PSEN2: variants seen among roughly 807,000 people sequenced by gnomAD.
PSEN2 encodes presenilin-2.
In PSEN2, 32 loss-of-function variants were observed where a neutral mutation model predicts 49.1. The ratio of observed to expected loss-of-function variants is 0.65; its 90% confidence interval spans 0.49 to 0.88. The LOEUF (loss-of-function observed/expected upper bound fraction) is 0.88, where lower values mean the gene tolerates loss of function less well. Among genes scored for constraint, PSEN2 ranks in the 40% least tolerant of loss-of-function variants. The pLI, the probability that PSEN2 is intolerant of heterozygous loss-of-function variation, is 0.00. For synonymous variants in PSEN2, 255 were observed against 244.0 expected, an observed-to-expected ratio of 1.05 and a Z score of -0.42; for missense variants, 522 against 586.9, an observed-to-expected ratio of 0.89 and a Z score of 1.14.
intron 2 of PSEN2, 38 bp downstream of exon 2, chr1:226,871,442 C>G (rs1660283385): frequency 6.6e-6 from 1 of 152,282 alleles, no homozygotes; most frequent in Non-Finnish European, 1.5e-5. Flanking sequence ...CCCCAGTGTC[C>G]TGGCTTCTAG....
intron 2 of PSEN2, 83 bp downstream of exon 2, chr1:226,871,487 CTG>C (rs1387909377): frequency 6.6e-6 from 1 of 152,250 alleles, no homozygotes; most frequent in Non-Finnish European, 1.5e-5. Context: ...GACCTCACCC[CTG>C]TTTATTGCCT....
intron 12 of PSEN2, among the ~76,000 whole-genome samples, chr1:226,894,941 C>T (rs1386358391): frequency 6.6e-6 from 1 of 152,212 alleles, no homozygotes; most frequent in East Asian, 1.9e-4. Flanking sequence ...CTCACCTGGA[C>T]CACTGCCTGC....
At chr1:226,889,999 G>C (rs1268890073) in intron 8 of PSEN2, 36 bp from the exon 9 acceptor site, 1 of 1,550,234 alleles carries the variant, frequency 6.5e-7, no homozygotes, top group South Asian at 1.1e-5. Context: ...GGGGCTGCCC[G>C]GGGATAGTTT....
rs1156802814 is a variant in PSEN2 at position 226,895,857 on chromosome 1, A to G, written c.*278A>G. 3 of 512,568 alleles carry G rather than the reference A, an allele frequency of 5.9e-6. No homozygotes were observed. The highest frequency in any genetic ancestry group is 1.9e-5 in the African/African-American group (1 of 51,804). The allele number at this position is 512,568 out of a possible 1,614,324, so 31.8% of individuals were successfully genotyped here. A position where few individuals can be genotyped will look rare whatever the true frequency, so the allele number is the denominator to read the frequency against. ...AGAAGGTCAGATTAGGGCGGGGAGA[A>G]GAGCATCCGGCATGAGGGCTGAGAT... On this transcript the variant is annotated 3_prime_UTR_variant, in exon 13 of 13. Transcript: ENST00000366783.
intron 8 of PSEN2, 58 bp from the exon 9 acceptor site, chr1:226,889,977 G>C (rs920899894): frequency 1.5e-6 from 2 of 1,377,878 alleles, no homozygotes. Context: ...TACAGGGCAG[G>C]CTCTTCTTCA....
rs546589385 is a variant in PSEN2 at position 226,876,311 on chromosome 1, A to T, written c.-21+761A>T. 1.1e-4 allele frequency among the ~76,000 whole-genome samples: 17 copies of T among 152,314 alleles called. No individual in the cohort carries two copies. In the South Asian group the frequency reaches 3.5e-3, roughly 32 times the overall value. On this transcript the variant is annotated intron_variant, in intron 3 of 12. Transcript: ENST00000366783. ...AGAGGGTAGCAGAAGTCCATCCCAGATGCTCTGTTTTCCTTCAGGAGCTAG... is the reference window on the plus strand; with the variant it reads ...AGAGGGTAGCAGAAGTCCATCCCAGTTGCTCTGTTTTCCTTCAGGAGCTAG...
intron 12 of PSEN2, among the ~76,000 whole-genome samples, chr1:226,902,395 G>C (rs968498148): frequency 6.6e-6 from 1 of 152,054 alleles, no homozygotes; most frequent in Non-Finnish European, 1.5e-5. Flanking sequence ...AGGAAGTAAG[G>C]GCATGGCTTA....
At position 226,891,732 on chromosome 1, in the gene PSEN2, T is replaced by C. The variant is rs753933727; in HGVS notation, c.971-11T>C. On this transcript the variant is annotated splice_polypyrimidine_tract_variant and intron_variant, in intron 10 of 12. Transcript: ENST00000366783. ...GGTGATGACGGACATCTTCTCTTCC[T>C]GGACACCCAGAAGAAGACTCCTATG... The C allele has an allele frequency of 1.9e-6, 3 of 1,608,796 alleles. No individual in the cohort carries two copies. In the South Asian group the frequency reaches 3.3e-5, roughly 18 times the overall value.
At chr1:226,891,471 A>G in intron 10 of PSEN2, 110 bp downstream of exon 10, 1 of 1,003,410 alleles carries the variant, frequency 1.0e-6, no homozygotes, top group East Asian at 2.6e-5. Flanking sequence ...CAGGAGGGGC[A>G]GAGGGAAAGG....
intron 4 of PSEN2, among the ~76,000 whole-genome samples, chr1:226,883,433 A>G (rs1419866503): frequency 6.6e-6 from 1 of 152,214 alleles, no homozygotes; most frequent in Admixed American, 6.5e-5. Context: ...CTTTTGATTC[A>G]TTAACCATTA....
intron 3 of PSEN2, chr1:226,880,567 G>GGACA (rs552911783): frequency 9.7e-5 from 153 of 1,580,522 alleles, no homozygotes; most frequent in African/African-American, 9.4e-4. Context: ...CTCAGCCTCT[G>GGACA]GACAGCGATC....
intron 3 of PSEN2, among the ~76,000 whole-genome samples, chr1:226,881,229 G>A (rs1660966294): frequency 6.6e-6 from 1 of 152,122 alleles, no homozygotes; most frequent in African/African-American, 2.4e-5. Flanking sequence ...GATCTTGTCT[G>A]TCAAGATTGT....
intron 11 of PSEN2, among the ~76,000 whole-genome samples, chr1:226,893,248 A>G (rs963612988): frequency 6.6e-6 from 1 of 152,226 alleles, no homozygotes; most frequent in Admixed American, 6.5e-5. Flanking sequence ...GTTTTATTAT[A>G]AGAGATGCAA....
At chr1:226,882,495 C>T (rs1661064528) in intron 4 of PSEN2, among the ~76,000 whole-genome samples, 1 of 152,184 alleles carries the variant, frequency 6.6e-6, no homozygotes, top group African/African-American at 2.4e-5. Flanking sequence ...TTGGGCTTCA[C>T]TGTGATCATT....
At chr1:226,888,252 C>A in intron 7 of PSEN2, 94 bp downstream of exon 7, 1 of 1,172,806 alleles carries the variant, frequency 8.5e-7, no homozygotes, top group South Asian at 1.2e-5. Flanking sequence ...GAAAGATGAC[C>A]ATCGAGCTCC....
chr1:226,876,300 G>A (rs1157801187), intron 3 of PSEN2, among the ~76,000 whole-genome samples: 2 of 152,206 alleles, frequency 1.3e-5, no homozygotes, highest in Non-Finnish European at 2.9e-5. Flanking sequence ...GGTAGCAGAA[G>A]TCCATCCCAG....
Position 226,895,578 on chromosome 1 carries a change from G to T in PSEN2, c.1346G>T (p.Ter449LeuextTer30). 6.2e-7 allele frequency: 1 copy of T among 1,610,956 alleles called. No homozygotes were observed. Among genetic ancestry groups the T allele is most frequent in the Non-Finnish European group, 8.5e-7 (1 of 1,178,558 alleles). The part of the protein sequence containing the change: ...DTLASHQLYI[*>L] ...CTGGCCTCCCATCAGCTCTACATCTGAGGGACATGGTGTGCCACAGGCTGC... is the reference window on the plus strand; with the variant it reads ...CTGGCCTCCCATCAGCTCTACATCTTAGGGACATGGTGTGCCACAGGCTGC... The change falls in exon 13 of 13, where the codon TGA becomes TTA. Residue 449 changes from the stop codon to leucine, a stop_lost. Transcript: ENST00000366783.
intron 9 of PSEN2, chr1:226,891,014 G>A (rs1355979614): frequency 9.5e-6 from 5 of 524,402 alleles, no homozygotes; most frequent in Admixed American, 3.2e-5. Context: ...GGATTCACCC[G>A]TGAACTGTGA....
chr1:226,877,055 CAT>C (rs1276944577), intron 3 of PSEN2, among the ~76,000 whole-genome samples: 1 of 152,160 alleles, frequency 6.6e-6, no homozygotes, highest in Admixed American at 6.5e-5. Flanking sequence ...CTCACTCTCT[CAT>C]GTGGCAATCA....
Sources: allele counts gnomAD v4.1 joint callset (sites outside exome capture counted in the v4.1 genomes callset), GRCh38; gene constraint gnomAD v4.1.1; transcripts MANE v1.5; gene names NCBI Gene and HGNC (gene_info 2026-07-23, HGNC 2026-07-21).